Variants in ZBED6 observed in about 807,000 individuals in gnomAD.
ZBED6 encodes the protein zinc finger BED-type containing 6.
ZBED6 carries 40 observed loss-of-function variants against 58.4 expected under a neutral mutation model. The observed-to-expected ratio is 0.68, with a 90% CI of 0.53 to 0.89. ZBED6 has a LOEUF of 0.89. ZBED6 is among the 40% of genes least tolerant of loss of function. The probability of loss-of-function intolerance (pLI) is 0.00; values close to 1 mark genes in which losing one functional copy is unlikely to be tolerated. For missense variants in ZBED6, 1,057 were observed against 1,003.9 expected, an observed-to-expected ratio of 1.05 and a Z score of -0.71; for synonymous variants, 439 against 350.6, an observed-to-expected ratio of 1.25 and a Z score of -2.82.
chr1:203,798,981 T>G (rs956602827), exon 1 of ZBED6: 15 of 1,536,046 alleles, frequency 9.8e-6, no homozygotes, highest in African/African-American at 2.7e-5. Context: ...TGTTGACATA[T>G]GGACCCATGA....
At chr1:203,849,951 G>A (rs767575114) in exon 14 of ZBED6, 3 of 1,614,096 alleles carry the variant, frequency 1.9e-6, no homozygotes, top group African/African-American at 1.3e-5. Context: ...GAAGGTGGAG[G>A]TAGAAACCTC....
At chr1:203,817,288 G>T (rs183964623) in intron 2 of ZBED6, among the ~76,000 whole-genome samples, 164 bp downstream of exon 2, 1 of 152,044 alleles carries the variant, frequency 6.6e-6, no homozygotes, top group Non-Finnish European at 1.5e-5. Flanking sequence ...GGGTAATTCA[G>T]TGTTTTTTTC....
At chr1:203,834,206 C>T in intron 9 of ZBED6, 1 of 446,474 alleles carries the variant, frequency 2.2e-6, no homozygotes, top group Non-Finnish European at 3.0e-6. Flanking sequence ...TACAGGAATC[C>T]CTAAGAAGAA....
intron 1 of ZBED6, among the ~76,000 whole-genome samples, chr1:203,810,873 G>A (rs770020260): frequency 7.2e-5 from 11 of 151,750 alleles, no homozygotes; most frequent in Non-Finnish European, 1.3e-4. Flanking sequence ...GCTCACGCCT[G>A]TAATCCCAGC....
exon 12 of ZBED6, chr1:203,847,329 A>G: frequency 6.2e-7 from 1 of 1,613,998 alleles, no homozygotes; most frequent in Non-Finnish European, 8.5e-7. Context: ...CAGGAGCAAG[A>G]AGCTCCTCCA....
intron 1 of ZBED6, among the ~76,000 whole-genome samples, chr1:203,812,514 C>G (rs1354753867): frequency 6.7e-6 from 1 of 149,508 alleles, no homozygotes; most frequent in African/African-American, 2.5e-5. Context: ...AGACTTCTGT[C>G]TTGTTGCTTC....
At chr1:203,814,840 T>A (rs1449150736) in intron 1 of ZBED6, 1 of 152,200 alleles carries the variant, frequency 6.6e-6, no homozygotes, top group East Asian at 1.9e-4. Context: ...AAATCATTTG[T>A]TTATTTTTGA....
At chr1:203,815,725 C>T (rs1305600434) in intron 1 of ZBED6, among the ~76,000 whole-genome samples, 1 of 152,120 alleles carries the variant, frequency 6.6e-6, no homozygotes, top group Non-Finnish European at 1.5e-5. Flanking sequence ...CATGGCATAC[C>T]ATTCTTGCAT....
chr1:203,802,389 G>C (rs1183545682), exon 1 of ZBED6: 3 of 152,256 alleles, frequency 2.0e-5, no homozygotes, highest in African/African-American at 7.3e-5. Context: ...TTTTAAAAGG[G>C]GAAACTTATC....
exon 1 of ZBED6, chr1:203,800,345 G>A (rs145114023): frequency 1.1e-4 from 99 of 898,036 alleles, no homozygotes; most frequent in Non-Finnish European, 1.6e-4. Flanking sequence ...TAGAACAACT[G>A]ATGTTTCTGA....
chr1:203,829,644 A>T (rs775256878), exon 5 of ZBED6: 1 of 1,614,232 alleles, frequency 6.2e-7, no homozygotes, highest in Non-Finnish European at 8.5e-7. Context: ...ATGATGATGA[A>T]GATGATGATG....
intron 16 of ZBED6, 32 bp from the exon 17 acceptor site, chr1:203,852,109 G>A (rs1689456673): frequency 6.2e-7 from 1 of 1,611,494 alleles, no homozygotes; most frequent in Non-Finnish European, 8.5e-7. Context: ...TTTTAAAACG[G>A]CAGTTTTCTA....
chr1:203,804,291 A>G (rs757624613), intron 1 of ZBED6, among the ~76,000 whole-genome samples: 8 of 151,764 alleles, frequency 5.3e-5, no homozygotes, highest in Non-Finnish European at 7.4e-5. Flanking sequence ...AGCTGGGACT[A>G]CAGGCACCCG....
intron 11 of ZBED6, among the ~76,000 whole-genome samples, 161 bp from the exon 12 acceptor site, chr1:203,847,023 A>C (rs1688096518): frequency 6.6e-6 from 1 of 152,004 alleles, no homozygotes. Context: ...AAAGAAAAAG[A>C]AAAAAAGGAA....
In ZBED6 at chr1:203,815,211, C is replaced by CTTTCTTTTTTTTTTTTT. The variant is rs779729339; in HGVS notation, c.*2555-1712_*2555-1711insCTTTTTTTTTTTTTTTT. 2.4e-4 allele frequency among the ~76,000 whole-genome samples: 14 copies of CTTTCTTTTTTTTTTTTT among 59,418 alleles called. 2 individuals are homozygous for CTTTCTTTTTTTTTTTTT. Among genetic ancestry groups the CTTTCTTTTTTTTTTTTT allele is most frequent in the Admixed American group, 1.3e-3 (5 of 3,822 alleles). 39.0% of individuals were successfully genotyped at this position (59,418 alleles called of 152,430 possible). On this transcript the variant is annotated intron_variant, in intron 1 of 16. Coordinates refer to ENST00000550078, the Ensembl canonical transcript of ZBED6. Reference sequence around the variant, plus strand: ...GTTATTTCATTATTTTCTTCCTTTTCTTTTCTTTTTTTTTTTTTTTTGAGA... The same window carrying CTTTCTTTTTTTTTTTTT: ...GTTATTTCATTATTTTCTTCCTTTTCTTTCTTTTTTTTTTTTTTTTTCTTTTTTTTTTTTTTTTGAGA...
At chr1:203,835,069 A>G (rs912889570) in intron 9 of ZBED6, among the ~76,000 whole-genome samples, 1 of 152,238 alleles carries the variant, frequency 6.6e-6, no homozygotes, top group Non-Finnish European at 1.5e-5. Context: ...TCACTACCCT[A>G]TCTTCAGAAC....
At chr1:203,798,713 A>G (rs913391110) in exon 1 of ZBED6, 1 of 1,536,134 alleles carries the variant, frequency 6.5e-7, no homozygotes, top group East Asian at 2.4e-5. Flanking sequence ...CGCAGGAGAG[A>G]GAAACAACAT....
At chr1:203,849,991 A>T in exon 14 of ZBED6, 1 of 1,614,014 alleles carries the variant, frequency 6.2e-7, no homozygotes, top group Non-Finnish European at 8.5e-7. Flanking sequence ...TTGAATGTGA[A>T]ATGTGCAGCA....
intron 2 of ZBED6, among the ~76,000 whole-genome samples, chr1:203,817,865 G>T (rs1676889114): frequency 6.6e-6 from 1 of 151,904 alleles, no homozygotes; most frequent in Non-Finnish European, 1.5e-5. Context: ...CCATTCTCCT[G>T]CCTCAGCCTC....
Sources: gnomAD v4.1 joint callset for allele counts (sites outside exome capture counted in the v4.1 genomes callset) on GRCh38, gnomAD v4.1.1 for gene constraint, MANE v1.5 for transcripts, NCBI Gene and HGNC (gene_info 2026-07-23, HGNC 2026-07-21) for gene names.